RARB: variants seen among roughly 807,000 people sequenced by gnomAD.
RARB encodes retinoic acid receptor beta, also known as HBV-activated protein.
A neutral mutation model predicts 51.9 loss-of-function variants in RARB; 17 were observed. That is an observed-to-expected ratio of 0.33 (90% CI 0.22 to 0.49). RARB has a LOEUF of 0.49. RARB is among the 20% of genes least tolerant of loss of function. The probability of loss-of-function intolerance (pLI) is 0.99; values close to 1 mark genes in which losing one functional copy is unlikely to be tolerated. For missense variants in RARB, 369 were observed against 550.8 expected, an observed-to-expected ratio of 0.67 and a Z score of 3.30; for synonymous variants, 215 against 195.4, an observed-to-expected ratio of 1.10 and a Z score of -0.84.
chr3:25,020,517 C>T (rs947976210), intron 2 of RARB: 4 of 152,040 alleles, frequency 2.6e-5, no homozygotes, highest in Non-Finnish European at 5.9e-5. Flanking sequence ...AACCAGGAAT[C>T]CTGTTTGGAG....
chr3:24,877,410 T>C (rs112928867), intron 2 of RARB, among the ~76,000 whole-genome samples: 80 of 133,114 alleles, frequency 6.0e-4, no homozygotes, highest in African/African-American at 2.0e-3. Context: ...GACTTAAGAA[T>C]AGAAAGCCCC....
chr3:25,457,924 T>C (rs1480386350), intron 1 of RARB, among the ~76,000 whole-genome samples: 2 of 152,124 alleles, frequency 1.3e-5, no homozygotes, highest in Non-Finnish European at 2.9e-5. Flanking sequence ...TTGATCATAG[T>C]GGTGATGACA....
At chr3:25,215,867 G>A (rs771618309) in intron 5 of RARB, among the ~76,000 whole-genome samples, 25 of 152,144 alleles carry the variant, frequency 1.6e-4, no homozygotes, top group East Asian at 3.9e-4. Context: ...AATGTCTGGC[G>A]TATTTTGATG....
intron 5 of RARB, among the ~76,000 whole-genome samples, chr3:25,297,457 C>CT (rs1703942492): frequency 3.1e-5 from 1 of 31,808 alleles, no homozygotes; most frequent in Admixed American, 3.9e-4. Context: ...TTAATTTTGT[C>CT]TTGGATTTAG....
chr3:24,879,472 G>T (rs1703113841), intron 2 of RARB, among the ~76,000 whole-genome samples: 1 of 139,960 alleles, frequency 7.1e-6, no homozygotes, highest in African/African-American at 2.7e-5. Flanking sequence ...AGTTCCAGCA[G>T]AAAGGATCTC....
chr3:24,974,761 T>A (rs1039452086), intron 2 of RARB, among the ~76,000 whole-genome samples: 12 of 152,194 alleles, frequency 7.9e-5, no homozygotes, highest in African/African-American at 2.9e-4. Context: ...CTTACATCTT[T>A]CTTAGCCACT....
chr3:24,878,949 TCTC>T (rs1185786521), intron 2 of RARB, among the ~76,000 whole-genome samples: 10 of 152,216 alleles, frequency 6.6e-5, no homozygotes, highest in African/African-American at 2.2e-4. Flanking sequence ...TTTTATTTCT[TCTC>T]ATTAAAAAAT....
At chr3:25,178,901 C>CT (rs1031373736) in intron 5 of RARB, among the ~76,000 whole-genome samples, 1 of 152,128 alleles carries the variant, frequency 6.6e-6, no homozygotes, top group Non-Finnish European at 1.5e-5. Context: ...TTCATGGCTG[C>CT]TTGTTCTGTT....
intron 4 of RARB, among the ~76,000 whole-genome samples, chr3:25,140,969 A>G (rs1228335523): frequency 6.6e-6 from 1 of 152,150 alleles, no homozygotes; most frequent in Non-Finnish European, 1.5e-5. Flanking sequence ...CACAATGCTG[A>G]TGCACACTTA....
rs908463590 is a variant in RARB at position 25,477,104 on chromosome 3, A to G, written c.306+15763A>G. On this transcript the variant is annotated intron_variant, in intron 2 of 7. Coordinates refer to ENST00000330688, the MANE Select transcript of RARB (RefSeq NM_000965.5). ...AATAGCTATGGGGCAAATGGAGGAG[A>G]TGTTTAGGATACTGTTGGCCAAGTA... is the stretch of plus-strand genomic sequence containing the variant. Among the ~76,000 whole-genome samples, 7 of 152,314 alleles carry G rather than the reference A, an allele frequency of 4.6e-5. 1 individual carries two copies. Among genetic ancestry groups the G allele is most frequent in the Admixed American group, 3.3e-4 (5 of 15,300 alleles).
At chr3:25,147,764 C>T (rs1402577605) in intron 4 of RARB, among the ~76,000 whole-genome samples, 1 of 152,222 alleles carries the variant, frequency 6.6e-6, no homozygotes, top group East Asian at 1.9e-4. Context: ...GTTGCAGTTT[C>T]CATTGCAAAG....
intron 3 of RARB, among the ~76,000 whole-genome samples, chr3:25,529,658 G>T (rs1269547812): frequency 6.6e-6 from 1 of 152,122 alleles, no homozygotes; most frequent in Non-Finnish European, 1.5e-5. Context: ...AACTTCGGGG[G>T]TGTTGGAACT....
Position 25,499,508 on chromosome 3 carries a change from G to A in RARB, c.307-1674G>A, listed in dbSNP as rs1258509153. 5.3e-5 allele frequency among the ~76,000 whole-genome samples: 8 copies of A among 152,170 alleles called. No homozygotes were observed. In the South Asian group the frequency reaches 6.2e-4, roughly 12 times the overall value. On this transcript the variant is annotated intron_variant, in intron 2 of 7. Transcript: ENST00000330688. ...TGTCTGCAAAGCTGTATGTAGAAACGGGGAAGACAAAGAGGAAGTTGGGGA... is the reference window on the plus strand; with the variant it reads ...TGTCTGCAAAGCTGTATGTAGAAACAGGGAAGACAAAGAGGAAGTTGGGGA...
At chr3:25,347,555 C>G (rs1323686950) in intron 5 of RARB, among the ~76,000 whole-genome samples, 2 of 152,194 alleles carry the variant, frequency 1.3e-5, no homozygotes, top group Non-Finnish European at 2.9e-5. Context: ...ATAAAGTTCA[C>G]TTTGTGCAAA....
At chr3:24,831,523 T>C (rs1702281467) in intron 1 of RARB, among the ~76,000 whole-genome samples, 1 of 152,200 alleles carries the variant, frequency 6.6e-6, no homozygotes, top group African/African-American at 2.4e-5. Flanking sequence ...AATAACCTCA[T>C]TTGCTGTTTA....
chr3:25,372,369 AC>A (rs1706327194), intron 5 of RARB, among the ~76,000 whole-genome samples: 3 of 152,222 alleles, frequency 2.0e-5, no homozygotes, highest in Non-Finnish European at 4.4e-5. Flanking sequence ...CCCCTGTGGG[AC>A]AAAATCACTC....
intron 5 of RARB, among the ~76,000 whole-genome samples, chr3:25,258,621 T>C (rs747893829): frequency 6.6e-6 from 1 of 152,096 alleles, no homozygotes; most frequent in African/African-American, 2.4e-5. Flanking sequence ...TCTGTTGCTG[T>C]AATAAAATAC....
intron 3 of RARB, among the ~76,000 whole-genome samples, chr3:25,071,139 A>G (rs749566045): frequency 2.6e-5 from 4 of 152,192 alleles, no homozygotes; most frequent in Non-Finnish European, 5.9e-5. Flanking sequence ...CAAGTTAGGA[A>G]TTTTTCCTCT....
At chr3:24,928,796 G>A (rs1695378107) in intron 2 of RARB, among the ~76,000 whole-genome samples, 1 of 151,928 alleles carries the variant, frequency 6.6e-6, no homozygotes, top group African/African-American at 2.4e-5. Context: ...CCACTTAGAG[G>A]TTCTCTCTTG....
Sources: allele counts gnomAD v4.1 joint callset (sites outside exome capture counted in the v4.1 genomes callset), GRCh38; gene constraint gnomAD v4.1.1; transcripts MANE v1.5; gene names NCBI Gene and HGNC (gene_info 2026-07-23, HGNC 2026-07-21).